Variants in ARNT2 observed in about 807,000 individuals in gnomAD.
ARNT2 encodes the protein aryl hydrocarbon receptor nuclear translocator 2.
A neutral mutation model predicts 91.7 loss-of-function variants in ARNT2; 36 were observed. The observed-to-expected ratio is 0.39, with a 90% CI of 0.30 to 0.52. The LOEUF is 0.52. ARNT2 is among the 20% of genes least tolerant of loss of function. The pLI, the probability that ARNT2 is intolerant of heterozygous loss-of-function variation, is 0.72. For synonymous variants in ARNT2, 365 were observed against 347.1 expected, an observed-to-expected ratio of 1.05 and a Z score of -0.57; for missense variants, 775 against 939.3, an observed-to-expected ratio of 0.83 and a Z score of 2.29.
intron 5 of ARNT2, among the ~76,000 whole-genome samples, chr15:80,506,783 C>T (rs1052559510): frequency 1.3e-5 from 2 of 152,152 alleles, no homozygotes; most frequent in Admixed American, 6.5e-5. Context: ...CAAGGCCCAG[C>T]CCTGAGAATG....
intron 8 of ARNT2, among the ~76,000 whole-genome samples, chr15:80,524,807 A>G (rs1017017952): frequency 3.0e-4 from 46 of 151,868 alleles, no homozygotes; most frequent in African/African-American, 8.5e-4. Context: ...CCTGGGAGGC[A>G]GAGCTTGCAG....
At chr15:80,433,005 T>C (rs1896031465) in intron 1 of ARNT2, among the ~76,000 whole-genome samples, 1 of 152,190 alleles carries the variant, frequency 6.6e-6, no homozygotes, top group Non-Finnish European at 1.5e-5. Context: ...TTTATATTTG[T>C]AGAGTAATTC....
intron 15 of ARNT2, among the ~76,000 whole-genome samples, chr15:80,577,501 C>T (rs1898698525): frequency 6.6e-6 from 1 of 152,226 alleles, no homozygotes; most frequent in Admixed American, 6.5e-5. Flanking sequence ...GGAGGCAAGG[C>T]CTGGCTCCAC....
chr15:80,436,621 C>G (rs1896091034), intron 1 of ARNT2, among the ~76,000 whole-genome samples: 1 of 152,122 alleles, frequency 6.6e-6, no homozygotes, highest in Non-Finnish European at 1.5e-5. Context: ...TGCTTCATGA[C>G]TTGTGTGGGC....
chr15:80,422,981 TC>T (rs1895880768), intron 1 of ARNT2, among the ~76,000 whole-genome samples: 1 of 152,216 alleles, frequency 6.6e-6, no homozygotes, highest in African/African-American at 2.4e-5. Context: ...GAAAACGTGT[TC>T]CTAACTTACG....
chr15:80,531,729 A>G (rs1387540789), intron 8 of ARNT2, among the ~76,000 whole-genome samples: 2 of 152,212 alleles, frequency 1.3e-5, no homozygotes, highest in Non-Finnish European at 2.9e-5. Flanking sequence ...CTCCTAGTCC[A>G]TAGTGGAGTG....
intron 1 of ARNT2, among the ~76,000 whole-genome samples, chr15:80,425,186 C>T (rs1320381007): frequency 1.3e-5 from 2 of 152,198 alleles, no homozygotes; most frequent in Non-Finnish European, 2.9e-5. Flanking sequence ...TCAAACATAT[C>T]TCCGAGTAGC....
chr15:80,540,369 A>G (rs1411436528), intron 8 of ARNT2, among the ~76,000 whole-genome samples: 1 of 152,222 alleles, frequency 6.6e-6, no homozygotes, highest in African/African-American at 2.4e-5. Flanking sequence ...GTGAAGAGGT[A>G]TCTCACTGTG....
In ARNT2 at chr15:80,411,601, G is replaced by A. The variant is rs75651570; in HGVS notation, c.31+7055G>A. 3.3e-3 allele frequency among the ~76,000 whole-genome samples: 498 copies of A among 152,272 alleles called. 2 individuals are homozygous for A. The highest frequency in any genetic ancestry group is 6.1e-3 in the Non-Finnish European group (412 of 68,026). On this transcript the variant is annotated intron_variant, in intron 1 of 18. Transcript: ENST00000303329. ...TAGTTCCTCTAGACTTTCTAATAAG[G>A]AGCCTTGGACACACAAAGCTCATCA...
At chr15:80,459,092 C>G (rs1456463245) in intron 3 of ARNT2, among the ~76,000 whole-genome samples, 1 of 152,210 alleles carries the variant, frequency 6.6e-6, no homozygotes. Flanking sequence ...ACATGCATCT[C>G]CTTACTTCCC....
At chr15:80,411,057 C>G (rs1895674812) in intron 1 of ARNT2, among the ~76,000 whole-genome samples, 1 of 152,208 alleles carries the variant, frequency 6.6e-6, no homozygotes. Flanking sequence ...CCCTTACCCC[C>G]TCCTCACTCC....
chr15:80,418,758 C>A (rs1484833011), intron 1 of ARNT2, among the ~76,000 whole-genome samples: 3 of 152,238 alleles, frequency 2.0e-5, no homozygotes, highest in Admixed American at 2.0e-4. Context: ...TACCTCCTTA[C>A]CTGGCCCTGC....
intron 11 of ARNT2, among the ~76,000 whole-genome samples, chr15:80,557,958 T>C (rs1898228120): frequency 6.6e-6 from 1 of 152,202 alleles, no homozygotes; most frequent in African/African-American, 2.4e-5. Context: ...TTATCATAGC[T>C]TCATGCTGTA....
chr15:80,463,600 C>T (rs1336766815), intron 3 of ARNT2, among the ~76,000 whole-genome samples: 12 of 119,828 alleles, frequency 1.0e-4, no homozygotes, highest in East Asian at 7.2e-4. Context: ...TTTTTTGAGA[C>T]GGAGTTTTGC....
At chr15:80,442,451 G>A (rs1461257357) in intron 1 of ARNT2, among the ~76,000 whole-genome samples, 1 of 152,234 alleles carries the variant, frequency 6.6e-6, no homozygotes, top group Non-Finnish European at 1.5e-5. Flanking sequence ...TCAGAGGCAG[G>A]ATTGGGTCCT....
intron 1 of ARNT2, among the ~76,000 whole-genome samples, chr15:80,428,613 T>C (rs576530707): frequency 3.3e-5 from 5 of 152,364 alleles, no homozygotes; most frequent in Non-Finnish European, 7.3e-5. Flanking sequence ...ACTCAGACTT[T>C]AAGCCAGTCT....
rs544025577 is a variant in ARNT2, at chr15:80,545,813, G to A, written c.878-5386G>A. Among the ~76,000 whole-genome samples, 12 of 152,298 alleles carry A rather than the reference G, an allele frequency of 7.9e-5. No individual in the cohort carries two copies. The South Asian group carries it at 2.5e-3, about 32-fold the overall frequency. The stretch of plus-strand genomic sequence containing the variant: ...TGGGTTAAAGAAGCATGAAGCCCAG[G>A]GAATATCTGTTAGTAGCAGCAGCCT... On this transcript the variant is annotated intron_variant, in intron 8 of 18. Transcript: ENST00000303329.
At chr15:80,448,752 G>C (rs1156712156) in intron 1 of ARNT2, among the ~76,000 whole-genome samples, 1 of 152,166 alleles carries the variant, frequency 6.6e-6, no homozygotes, top group Non-Finnish European at 1.5e-5. Context: ...GGGAGGCCGA[G>C]GTGGGCAGAT....
intron 1 of ARNT2, among the ~76,000 whole-genome samples, chr15:80,409,331 C>T (rs34498515): frequency 0.27 from 41,603 of 152,060 alleles, 5,922 homozygotes; most frequent in Admixed American, 0.36. Context: ...TCATGCATTA[C>T]GTAGCCTTTT....
Sources: gnomAD v4.1 joint callset for allele counts (sites outside exome capture counted in the v4.1 genomes callset) on GRCh38, gnomAD v4.1.1 for gene constraint, MANE v1.5 for transcripts, NCBI Gene and HGNC (gene_info 2026-07-23, HGNC 2026-07-21) for gene names.